RNF212B: variants seen among roughly 807,000 people sequenced by gnomAD.
RNF212B encodes ring finger protein 212B.
In RNF212B, 52 loss-of-function variants were observed where a neutral mutation model predicts 55.5. That is an observed-to-expected ratio of 0.94 (90% confidence interval 0.75 to 1.18). RNF212B has a LOEUF of 1.18. Among genes scored for constraint, RNF212B ranks in the 50% most tolerant of loss-of-function variants. RNF212B has a pLI of 0.00. For synonymous variants in RNF212B, 99 were observed against 121.4 expected, an observed-to-expected ratio of 0.82 and a Z score of 1.21; for missense variants, 289 against 350.4, an observed-to-expected ratio of 0.82 and a Z score of 1.40.
chr14:23,191,809 C>T (rs1404930362), intron 1 of RNF212B, among the ~76,000 whole-genome samples: 1 of 152,090 alleles, frequency 6.6e-6, no homozygotes, highest in Non-Finnish European at 1.5e-5. Context: ...TACCTAAGGC[C>T]TAGAGCAGTT....
chr14:23,257,572 T>G (rs898144285), intron 4 of RNF212B, among the ~76,000 whole-genome samples: 1 of 152,100 alleles, frequency 6.6e-6, no homozygotes, highest in African/African-American at 2.4e-5. Context: ...AAAAGAGGGT[T>G]TATAGTCTGA....
chr14:23,243,368 T>C (rs1204419002), intron 3 of RNF212B, 60 bp downstream of exon 3: 2 of 1,348,824 alleles, frequency 1.5e-6, no homozygotes, highest in Non-Finnish European at 2.1e-6. Context: ...GTAGGAAGTA[T>C]ATACAAAGTA....
chr14:23,241,260 G>T (rs770384884), intron 2 of RNF212B, among the ~76,000 whole-genome samples: 4 of 152,130 alleles, frequency 2.6e-5, no homozygotes, highest in Non-Finnish European at 5.9e-5. Flanking sequence ...AAACCATAGT[G>T]CAGGGGACTA....
At chr14:23,218,885 C>T (rs79848972) in intron 2 of RNF212B, among the ~76,000 whole-genome samples, 4,151 of 151,764 alleles carry the variant, frequency 0.027, 189 homozygotes, top group African/African-American at 0.095. Flanking sequence ...AGAGTACCTC[C>T]GGGCATTTAA....
At chr14:23,212,840 T>C (rs1052899983) in intron 2 of RNF212B, among the ~76,000 whole-genome samples, 4 of 152,122 alleles carry the variant, frequency 2.6e-5, no homozygotes, top group Non-Finnish European at 4.4e-5. Context: ...TACCACTTTT[T>C]AGTTTTTGTT....
At chr14:23,187,002 C>G (rs1297014684) in intron 1 of RNF212B, among the ~76,000 whole-genome samples, 1 of 152,204 alleles carries the variant, frequency 6.6e-6, no homozygotes, top group Non-Finnish European at 1.5e-5. Flanking sequence ...CACTTATCTG[C>G]TCAGTGAGAC....
At chr14:23,262,071 C>T (rs7156407) in intron 7 of RNF212B, among the ~76,000 whole-genome samples, 23,488 of 152,140 alleles carry the variant, frequency 0.15, 2,438 homozygotes, top group African/African-American at 0.3. Flanking sequence ...ATTAAAGAGA[C>T]ACTGCCCCTA....
upstream of RNF212B, among the ~76,000 whole-genome samples, chr14:23,234,832 T>G (rs1246108523): frequency 6.6e-6 from 1 of 152,356 alleles, no homozygotes; most frequent in South Asian, 2.1e-4. Flanking sequence ...TCCCAGCTGC[T>G]GGGGAGGCTG....
At chr14:23,228,812 G>T (rs1243603053) in intron 2 of RNF212B, among the ~76,000 whole-genome samples, 1 of 152,104 alleles carries the variant, frequency 6.6e-6, no homozygotes, top group Non-Finnish European at 1.5e-5. Context: ...AATAGAGCAT[G>T]CAGAAATGGG....
At chr14:23,262,545 G>A (rs1885369807) in intron 7 of RNF212B, 120 bp from the exon 8 acceptor site, 2 of 840,160 alleles carry the variant, frequency 2.4e-6, no homozygotes, top group South Asian at 3.5e-5. Context: ...ATGAGAGTAA[G>A]CAATTTGTCC....
intron 11 of RNF212B, 81 bp from the exon 12 acceptor site, chr14:23,268,843 C>T: frequency 8.4e-7 from 1 of 1,186,538 alleles, no homozygotes; most frequent in East Asian, 2.5e-5. Context: ...ATCTCCATTT[C>T]CTTTGCCCTG....
chr14:23,265,843 T>C (rs73602447), intron 11 of RNF212B, among the ~76,000 whole-genome samples: 11,500 of 152,214 alleles, frequency 0.076, 1,460 homozygotes, highest in African/African-American at 0.26. Flanking sequence ...AGGTGGAAGT[T>C]TCGATTATTG....
At position 23,238,010 on chromosome 14, in the gene RNF212B, G is replaced by T. The variant is rs554203212; in HGVS notation, c.-47G>T. Among the ~76,000 whole-genome samples, 2 of 152,356 alleles carry T rather than the reference G, an allele frequency of 1.3e-5. No individual in the cohort carries two copies. The highest frequency in any genetic ancestry group is 4.8e-5 in the African/African-American group (2 of 41,586). ...CAGCTCTTCGTGAGGAGAACTGGAT[G>T]ATTTCCTGAGATCTGAGGCTTTCTG... is the stretch of plus-strand genomic sequence containing the variant. On this transcript the variant is annotated 5_prime_UTR_variant, in exon 1 of 15. An upstream start codon of the reference 5' UTR is lost. Transcript: ENST00000430154.
chr14:23,242,081 C>CAAAAAAAAAAAAAAAAAA (rs58497672), intron 2 of RNF212B, among the ~76,000 whole-genome samples: 3 of 36,632 alleles, frequency 8.2e-5, no homozygotes, highest in Non-Finnish European at 1.5e-4. Context: ...GACTCCGTCT[C>CAAAAAAAAAAAAAAAAAA]AAAAAAAAAA....
intron 2 of RNF212B, among the ~76,000 whole-genome samples, chr14:23,216,198 A>T (rs963566713): frequency 2.0e-5 from 3 of 152,200 alleles, no homozygotes; most frequent in African/African-American, 7.2e-5. Context: ...GTGAGTCAAG[A>T]TCGTGCCACT....
intron 4 of RNF212B, among the ~76,000 whole-genome samples, chr14:23,257,605 G>A (rs17256141): frequency 0.17 from 25,555 of 152,114 alleles, 2,491 homozygotes; most frequent in South Asian, 0.25. Flanking sequence ...CAGATGAGAC[G>A]TAAATACTGC....
At chr14:23,242,081 C>CAAAAAAA (rs58497672) in intron 2 of RNF212B, among the ~76,000 whole-genome samples, 6 of 36,648 alleles carry the variant, frequency 1.6e-4, no homozygotes, top group African/African-American at 3.2e-4. Context: ...GACTCCGTCT[C>CAAAAAAA]AAAAAAAAAA....
chr14:23,218,247 A>G (rs563630005), intron 2 of RNF212B, among the ~76,000 whole-genome samples: 1 of 152,124 alleles, frequency 6.6e-6, no homozygotes, highest in South Asian at 2.1e-4. Flanking sequence ...ACACACCTGT[A>G]GTCCCAGCTA....
At chr14:23,271,243 A>G (rs957882421) in intron 14 of RNF212B, among the ~76,000 whole-genome samples, 1 of 152,142 alleles carries the variant, frequency 6.6e-6, no homozygotes, top group African/African-American at 2.4e-5. Context: ...GTTAGAGACC[A>G]GCCTGACCAA....
Sources: allele counts gnomAD v4.1 joint callset (sites outside exome capture counted in the v4.1 genomes callset), GRCh38; gene constraint gnomAD v4.1.1; transcripts MANE v1.5; gene names NCBI Gene and HGNC (gene_info 2026-07-23, HGNC 2026-07-21).